FSTL4: variants seen among roughly 807,000 people sequenced by gnomAD.
FSTL4 encodes follistatin-related protein 4.
FSTL4 carries 28 observed loss-of-function variants against 78.2 expected under a neutral mutation model. That is an observed-to-expected ratio of 0.36 (90% CI 0.27 to 0.49). FSTL4 has a LOEUF of 0.49. Ranked by LOEUF, FSTL4 falls within the 20% of genes least tolerant of loss-of-function variation. FSTL4 has a pLI of 0.98. For missense variants in FSTL4, 922 were observed against 1,084.9 expected, an observed-to-expected ratio of 0.85 and a Z score of 2.11; for synonymous variants, 422 against 440.5, an observed-to-expected ratio of 0.96 and a Z score of 0.53.
chr5:133,834,357 G>A, the FSTL4 span, among the ~76,000 whole-genome samples: 1 of 152,112 alleles, frequency 6.6e-6, no homozygotes, highest in South Asian at 2.1e-4. Flanking sequence ...ACAACAAACA[G>A]ATACAGCATC....
At chr5:133,430,058 T>C (rs1427524427) in intron 3 of FSTL4, among the ~76,000 whole-genome samples, 1 of 152,186 alleles carries the variant, frequency 6.6e-6, no homozygotes, top group Non-Finnish European at 1.5e-5. Context: ...CCATAAGATA[T>C]ACAAAGCACT....
At position 133,497,750 on chromosome 5, in the gene FSTL4, T is replaced by C. The variant is rs575106760; in HGVS notation, c.160+69436A>G. 7.2e-5 allele frequency among the ~76,000 whole-genome samples: 11 copies of C among 152,316 alleles called. No homozygotes were observed. In the South Asian group the frequency reaches 2.3e-3, roughly 32 times the overall value. On this transcript the variant is annotated intron_variant, in intron 3 of 15. Transcript: ENST00000265342. ...CTTCCAGAGAAGCCCTGCCTACATT[T>C]TCCCCCTTGCTCTTTAAATGGCAAG... is the stretch of plus-strand genomic sequence containing the variant.
intron 6 of FSTL4, among the ~76,000 whole-genome samples, chr5:133,298,165 G>A (rs963237427): frequency 2.0e-5 from 3 of 152,222 alleles, no homozygotes; most frequent in Non-Finnish European, 4.4e-5. Context: ...AGGGGATAAC[G>A]ATAGTTCCTC....
chr5:133,333,005 GTCTC>G (rs372183397), intron 4 of FSTL4, among the ~76,000 whole-genome samples: 5,031 of 151,248 alleles, frequency 0.033, 176 homozygotes, highest in African/African-American at 0.094. Flanking sequence ...CTCTCTCTCT[GTCTC>G]TCTCTCTCTG....
At chr5:133,688,303 C>G in the FSTL4 span, among the ~76,000 whole-genome samples, 1 of 152,168 alleles carries the variant, frequency 6.6e-6, no homozygotes, top group Non-Finnish European at 1.5e-5. Context: ...GTCCCAGCTA[C>G]TCAGGAGGCT....
the FSTL4 span, among the ~76,000 whole-genome samples, chr5:133,792,969 A>G: frequency 1.3e-5 from 2 of 152,220 alleles, no homozygotes; most frequent in Non-Finnish European, 2.9e-5. Context: ...TCTCCCCTTC[A>G]CAGAGGGACT....
At chr5:133,221,912 T>TTTTTTG (rs1751137440) in intron 11 of FSTL4, among the ~76,000 whole-genome samples, 3 of 113,968 alleles carry the variant, frequency 2.6e-5, no homozygotes, top group African/African-American at 4.6e-5. Context: ...TTTTTTTTTT[T>TTTTTTG]TTTTTTTTTT....
chr5:133,634,874 T>C, the FSTL4 span, among the ~76,000 whole-genome samples: 343 of 152,270 alleles, frequency 2.3e-3, no homozygotes, highest in African/African-American at 8.2e-3. Flanking sequence ...GCATGGCAAT[T>C]AATTTCCCCC....
chr5:133,256,651 G>A (rs1215778865), intron 6 of FSTL4: 2 of 152,236 alleles, frequency 1.3e-5, no homozygotes, highest in African/African-American at 4.8e-5. Context: ...GGGACAGGAT[G>A]TCTTAAAGCC....
the FSTL4 span, among the ~76,000 whole-genome samples, chr5:133,808,044 A>G: frequency 6.6e-6 from 1 of 152,224 alleles, no homozygotes; most frequent in Non-Finnish European, 1.5e-5. Context: ...GTTCATCTGC[A>G]CGACCTGCAA....
chr5:133,542,446 G>A (rs1035147772), intron 3 of FSTL4, among the ~76,000 whole-genome samples: 8 of 152,032 alleles, frequency 5.3e-5, no homozygotes, highest in African/African-American at 1.2e-4. Context: ...TTCTTACCAG[G>A]TTTTGGTGTC....
Position 133,199,524 on chromosome 5 carries a change from G to A in FSTL4, c.2100C>T (p.Phe700=). ...GTPHTSPDGR[F]IVSAAADSPW... Reference sequence around the variant, plus strand: ...GGCTGTCAGCTGCAGCACTGACTATGAAGCGCCCGTCGGGGGATGTGTGTG... The same window carrying A: ...GGCTGTCAGCTGCAGCACTGACTATAAAGCGCCCGTCGGGGGATGTGTGTG... The change falls in exon 16 of 16, where the codon TTC becomes TTT. Residue 700 remains phenylalanine (F), a synonymous_variant. Transcript: ENST00000265342. The surrounding 1 kb of genome is among the most constrained non-coding windows in gnomAD (Gnocchi z 4.4). 1.2e-6 allele frequency: 2 copies of A among 1,614,124 alleles called. No homozygotes were observed. The highest frequency in any genetic ancestry group is 8.5e-7 in the Non-Finnish European group (1 of 1,179,938).
At chr5:133,367,254 T>G (rs1755199502) in intron 4 of FSTL4, among the ~76,000 whole-genome samples, 1 of 152,230 alleles carries the variant, frequency 6.6e-6, no homozygotes. Context: ...CAGTAATCCC[T>G]GTTCCAAAGG....
chr5:133,540,720 C>CAAAAAAAAAAAAAA (rs79162509), intron 3 of FSTL4, among the ~76,000 whole-genome samples: 41 of 70,196 alleles, frequency 5.8e-4, no homozygotes, highest in African/African-American at 9.1e-4. Context: ...TTAACATAGG[C>CAAAAAAAAAAAAAA]AAAAAAAAAA....
intron 3 of FSTL4, among the ~76,000 whole-genome samples, chr5:133,515,665 A>T (rs922723653): frequency 6.6e-6 from 1 of 151,114 alleles, no homozygotes; most frequent in Non-Finnish European, 1.5e-5. Context: ...TTGGCTCAAC[A>T]AATATCACCT....
chr5:133,563,398 C>T (rs2112940270), intron 3 of FSTL4, among the ~76,000 whole-genome samples: 1 of 152,326 alleles, frequency 6.6e-6, no homozygotes, highest in Admixed American at 6.5e-5. Flanking sequence ...AAGAGAGGTT[C>T]AGGGCATCAG....
intron 4 of FSTL4, among the ~76,000 whole-genome samples, chr5:133,364,197 G>T (rs998757690): frequency 2.6e-5 from 4 of 152,090 alleles, no homozygotes; most frequent in African/African-American, 9.7e-5. Flanking sequence ...GCTCAGCAAG[G>T]GACATGTTCA....
the FSTL4 span, among the ~76,000 whole-genome samples, chr5:133,632,220 T>C: frequency 1.3e-5 from 2 of 152,072 alleles, no homozygotes; most frequent in African/African-American, 4.8e-5. Context: ...CCAGTTCAAG[T>C]AAAGTATAAG....
intron 7 of FSTL4, among the ~76,000 whole-genome samples, chr5:133,245,121 TAAAAAA>T (rs11315228): frequency 1.1e-5 from 1 of 91,446 alleles, no homozygotes; most frequent in Non-Finnish European, 2.5e-5. Flanking sequence ...CCCTACTGCC[TAAAAAA>T]AAAAAAAAAA....
Sources: allele counts gnomAD v4.1 joint callset (sites outside exome capture counted in the v4.1 genomes callset), GRCh38; gene constraint gnomAD v4.1.1; non-coding constraint Gnocchi (gnomAD v3.1); transcripts MANE v1.5; gene names NCBI Gene and HGNC (gene_info 2026-07-23, HGNC 2026-07-21).